The following BNC1 variants were observed in gnomAD, a reference collection of about 807,000 sequenced individuals.
The protein encoded by BNC1 is zinc finger protein basonuclin-1.
BNC1 carries 8 observed loss-of-function variants against 66.5 expected under a neutral mutation model. That is an observed-to-expected ratio of 0.12 (90% confidence interval 0.07 to 0.22). The LOEUF is 0.22. Among genes scored for constraint, BNC1 ranks in the 10% least tolerant of loss-of-function variants. BNC1 has a pLI of 1.00. For synonymous variants in BNC1, 454 were observed against 452.6 expected (o/e 1.00, Z -0.04); for missense variants, 1,069 against 1,241.3 (o/e 0.86, Z 2.09).
At chr15:83,268,099 C>T (rs1266694231) in intron 2 of BNC1, 34 bp downstream of exon 2, 3 of 1,567,698 alleles carry the variant, frequency 1.9e-6, no homozygotes, top group Non-Finnish European at 2.6e-6. Context: ...AGAGGTAACA[C>T]TACAGGCCAA....
chr15:83,278,193 C>T (rs76497810), intron 1 of BNC1, among the ~76,000 whole-genome samples: 3,057 of 152,284 alleles, frequency 0.02, 39 homozygotes, highest in Admixed American at 0.03. Context: ...GGGGCAGACA[C>T]TCAACACATC....
chr15:83,276,207 T>C (rs1480293270), intron 1 of BNC1, among the ~76,000 whole-genome samples: 1 of 152,206 alleles, frequency 6.6e-6, no homozygotes, highest in Non-Finnish European at 1.5e-5. Context: ...CTGTTACTGC[T>C]GCCAGACCCA....
intron 1 of BNC1, among the ~76,000 whole-genome samples, chr15:83,283,763 G>T (rs1425380372): frequency 6.6e-6 from 1 of 152,234 alleles, no homozygotes; most frequent in East Asian, 1.9e-4. Context: ...CCGCGACAAG[G>T]ACTCCAGGGT....
chr15:83,283,992 T>C (rs2151441735), intron 1 of BNC1, among the ~76,000 whole-genome samples: 1 of 152,028 alleles, frequency 6.6e-6, no homozygotes, highest in Non-Finnish European at 1.5e-5. Context: ...TCCGCAGTTC[T>C]CCTCAGTGAC....
At chr15:83,271,206 GT>G (rs1292089604) in intron 1 of BNC1, among the ~76,000 whole-genome samples, 1 of 152,128 alleles carries the variant, frequency 6.6e-6, no homozygotes, top group African/African-American at 2.4e-5. Flanking sequence ...AACCTGGGAG[GT>G]AGGGGTTGCA....
At chr15:83,274,919 C>T (rs1213531722) in intron 1 of BNC1, among the ~76,000 whole-genome samples, 1 of 152,176 alleles carries the variant, frequency 6.6e-6, no homozygotes, top group South Asian at 2.1e-4. Flanking sequence ...TTGGTGCTAA[C>T]TACAGTTATG....
chr15:83,265,834 T>C (rs1006754128), intron 3 of BNC1, among the ~76,000 whole-genome samples: 2 of 152,168 alleles, frequency 1.3e-5, no homozygotes, highest in Admixed American at 1.3e-4. Flanking sequence ...ATAATATGCC[T>C]AAGCTTAAGA....
intron 1 of BNC1, among the ~76,000 whole-genome samples, chr15:83,274,113 G>A (rs990086005): frequency 6.6e-5 from 10 of 152,244 alleles, no homozygotes; most frequent in African/African-American, 2.2e-4. Context: ...GGCCAGGTGC[G>A]GTGGCTCACG....
intron 4 of BNC1, among the ~76,000 whole-genome samples, chr15:83,260,156 G>A (rs2038124945): frequency 6.6e-6 from 1 of 152,180 alleles, no homozygotes; most frequent in Non-Finnish European, 1.5e-5. Flanking sequence ...TGAGTGAACA[G>A]TGGAGTTTTT....
chr15:83,257,659 G>A lies in BNC1; in HGVS notation c.2768C>T (p.Pro923Leu), dbSNP rs1375916438. ...ATGACAGGTTATGGGCAACCCAGAA[G>A]GCAGGCTAGCAAGGCTCTGGTCAGC... ...EKADQSLASL[P>L]SGLPITCHLC... The change falls in exon 5 of 5, where the codon CCT becomes CTT. Residue 923 changes from proline (P) to leucine (L), a missense_variant. This residue lies in a region of BNC1 where 657 missense variants were observed against 715.8 expected (regional missense o/e 0.92). Coordinates refer to ENST00000345382, the MANE Select transcript of BNC1 (RefSeq NM_001717.4). The A allele has an allele frequency of 6.2e-7, 1 of 1,613,984 alleles. No homozygotes were observed. The highest frequency in any genetic ancestry group is 2.2e-5 in the East Asian group (1 of 44,888).
chr15:83,259,149 T>C (rs1027702890), intron 4 of BNC1, among the ~76,000 whole-genome samples: 2 of 152,242 alleles, frequency 1.3e-5, no homozygotes, highest in Non-Finnish European at 2.9e-5. Context: ...GTATCCATTA[T>C]GACACATGCC....
chr15:83,266,386 G>A (rs988512902), intron 3 of BNC1, among the ~76,000 whole-genome samples: 5 of 152,142 alleles, frequency 3.3e-5, no homozygotes, highest in African/African-American at 1.2e-4. Flanking sequence ...GAACATCAGT[G>A]AGATGGCAGA....
chr15:83,266,710 A>C, intron 3 of BNC1, 126 bp downstream of exon 3: 1 of 840,164 alleles, frequency 1.2e-6, no homozygotes, highest in Admixed American at 2.0e-5. Flanking sequence ...GCCATTAGAA[A>C]AGAAGTATTA....
rs1024110855 is a variant in BNC1, at chr15:83,256,300, T to C, written c.*1142A>G. 1 of 152,680 alleles carries C rather than the reference T, an allele frequency of 6.5e-6. No homozygotes were observed. Among genetic ancestry groups the C allele is most frequent in the Non-Finnish European group, 1.5e-5 (1 of 68,038 alleles). The allele number at this position is 152,680 out of a possible 1,614,324, so 9.5% of individuals were successfully genotyped here. On this transcript the variant is annotated 3_prime_UTR_variant, in exon 5 of 5. Transcript: ENST00000345382. The stretch of plus-strand genomic sequence containing the variant: ...GATGGTTTCATTCCACAGGACTGAC[T>C]GAACTTCCTTTCTACCATGGAAAAT...
chr15:83,257,447 G>A lies in BNC1; in HGVS notation c.2980C>T (p.Gln994Ter), dbSNP rs1380017637. The A allele has an allele frequency of 1.2e-6, 2 of 1,611,128 alleles. No homozygotes were observed. The highest frequency in any genetic ancestry group is 1.7e-6 in the Non-Finnish European group (2 of 1,178,220). The part of the protein sequence containing the change: ...KSLASSPSHL[Q>*] Reference sequence around the variant, plus strand: ...ATACTTGGTTTGCCATCTTGTTACTGGAGGTGACTTGGAGATGAGGCCAGG... The same window carrying A: ...ATACTTGGTTTGCCATCTTGTTACTAGAGGTGACTTGGAGATGAGGCCAGG... Residue 994 changes from glutamine (Q) to a stop codon, truncating the protein, a stop_gained, in exon 5 of 5, where the codon CAG (glutamine) becomes TAG (stop). Transcript: ENST00000345382. LOFTEE classifies it high-confidence loss of function.
At chr15:83,283,220 A>T (rs754168907) in intron 1 of BNC1, 24 of 1,535,694 alleles carry the variant, frequency 1.6e-5, no homozygotes, top group Non-Finnish European at 2.0e-5. Flanking sequence ...CATTTGTGAA[A>T]GTTTGGCTCG....
At chr15:83,272,697 T>C (rs1403059955) in intron 1 of BNC1, among the ~76,000 whole-genome samples, 2 of 152,194 alleles carry the variant, frequency 1.3e-5, no homozygotes, top group Non-Finnish European at 2.9e-5. Context: ...GGAAACCAGG[T>C]GACTGTCTCA....
Position 83,264,409 on chromosome 15 carries a change from T to C in BNC1, c.842A>G (p.His281Arg). 1 of 1,614,194 alleles carries C rather than the reference T, an allele frequency of 6.2e-7. No individual in the cohort carries two copies. The highest frequency in any genetic ancestry group is 8.5e-7 in the Non-Finnish European group (1 of 1,180,028). Residue 281 changes from histidine (H) to arginine (R), a missense_variant, in exon 4 of 5, where the codon CAT (histidine) becomes CGT (arginine). By Grantham distance (29) the His-to-Arg change is conservative. Around this residue, in one of 7 missense-constraint regions of BNC1, gnomAD observed 181 missense variants for 181.5 expected, o/e 1.00. Transcript: ENST00000345382. Reference sequence around the variant, plus strand: ...GAAGCTGCTGTCAGGGAAGGGCCCATGGACTTCCTGTTTGGGGTCCTGACT... The same window carrying C: ...GAAGCTGCTGTCAGGGAAGGGCCCACGGACTTCCTGTTTGGGGTCCTGACT... ...DQSQDPKQEV[H>R]GPFPDSSFLT...
In BNC1 at chr15:83,257,289, T is replaced by C. The variant is rs1021827130; in HGVS notation, c.*153A>G. The C allele has an allele frequency of 2.2e-5, 20 of 904,050 alleles. No homozygotes were observed. Among genetic ancestry groups the C allele is most frequent in the Non-Finnish European group, 3.2e-5 (19 of 603,112 alleles). 56.0% of individuals were successfully genotyped at this position (904,050 alleles called of 1,614,324 possible). Reference sequence around the variant, plus strand: ...GTGTCATCTTCCCACGAGGTTTGTCTTTTGCTCATTGTGCTGTGGAAAACT... The same window carrying C: ...GTGTCATCTTCCCACGAGGTTTGTCCTTTGCTCATTGTGCTGTGGAAAACT... On this transcript the variant is annotated 3_prime_UTR_variant, in exon 5 of 5. Coordinates refer to ENST00000345382, the MANE Select transcript of BNC1 (RefSeq NM_001717.4).
Sources: allele counts gnomAD v4.1 joint callset (sites outside exome capture counted in the v4.1 genomes callset), GRCh38; gene constraint gnomAD v4.1.1; regional missense constraint gnomAD v4.1.1; transcripts MANE v1.5; gene names NCBI Gene and HGNC (gene_info 2026-07-23, HGNC 2026-07-21).